Variants in GUSB observed in about 807,000 individuals in gnomAD.
GUSB encodes glucuronidase beta, also known as beta-glucuronidase.
A neutral mutation model predicts 74.6 loss-of-function variants in GUSB; 51 were observed. The observed-to-expected ratio is 0.68, with a 90% confidence interval of 0.55 to 0.86. The LOEUF (loss-of-function observed/expected upper bound fraction) is 0.86. Ranked by LOEUF, GUSB falls within the 40% of genes least tolerant of loss-of-function variation. The probability of loss-of-function intolerance (pLI) is 0.00; values close to 1 mark genes in which losing one functional copy is unlikely to be tolerated. For missense variants in GUSB, 736 were observed against 853.7 expected, an observed-to-expected ratio of 0.86 and a Z score of 1.72; for synonymous variants, 360 against 348.3, an observed-to-expected ratio of 1.03 and a Z score of -0.37.
intron 1 of GUSB, 195 bp from the exon 2 acceptor site, chr7:65,980,604 G>T: frequency 3.2e-6 from 2 of 625,546 alleles, no homozygotes. Flanking sequence ...GGGGCCAGGA[G>T]TTCCTCCTCA....
chr7:65,974,488 G>A, intron 7 of GUSB, 38 bp downstream of exon 7: 3 of 1,614,080 alleles, frequency 1.9e-6, no homozygotes, highest in Non-Finnish European at 2.5e-6. Context: ...GACGCCCCCG[G>A]GCTGGGCAGG....
chr7:65,982,174 C>G lies in GUSB; in HGVS notation c.10G>C (p.Gly4Arg), dbSNP rs572131903. MAR[G>R]SAVAWAALGP... ...AGCGCCGCCCAGGCAACCGCCGACC[C>G]CCGGGCCATGCTTCCCGGTCCCCCG... The change falls in exon 1 of 12, where the codon GGG (glycine) becomes CGG (arginine). Residue 4 changes from glycine (G) to arginine (R), a missense_variant. This residue lies in a region of GUSB where 368 missense variants were observed against 363.8 expected (regional missense o/e 1.01). Transcript: ENST00000304895. The G allele has an allele frequency of 6.6e-7, 1 of 1,514,412 alleles. No individual in the cohort carries two copies. The highest frequency in any genetic ancestry group is 1.4e-5 in the African/African-American group (1 of 70,294). 93.8% of individuals were successfully genotyped at this position (1,514,412 alleles called of 1,614,324 possible).
Position 65,975,999 on chromosome 7 carries a change from C to T in GUSB, c.912+16G>A, listed in dbSNP as rs745657235. 1.2e-6 allele frequency: 2 copies of T among 1,611,136 alleles called. No homozygotes were observed. The highest frequency in any genetic ancestry group is 2.7e-5 in the African/African-American group (2 of 74,932). ...GGCAAAAGACCTCCCTTAGGCATGT[C>T]CCAAACCACCATTACCTCCAATGAA... On this transcript the variant is annotated intron_variant, in intron 5 of 11. Transcript: ENST00000304895.
At chr7:65,965,265 G>C (rs143506896) in intron 10 of GUSB, among the ~76,000 whole-genome samples, 8 of 151,998 alleles carry the variant, frequency 5.3e-5, no homozygotes, top group African/African-American at 1.7e-4. Flanking sequence ...TATTAGCCAG[G>C]TGTGGTGGCG....
intron 8 of GUSB, among the ~76,000 whole-genome samples, chr7:65,970,690 G>C (rs747276435): frequency 6.6e-6 from 1 of 152,138 alleles, no homozygotes; most frequent in South Asian, 2.1e-4. Context: ...TCAGGAGATC[G>C]ATACCATCCT....
At chr7:65,967,250 T>TTCAA (rs1790895128) in intron 10 of GUSB, among the ~76,000 whole-genome samples, 1 of 151,288 alleles carries the variant, frequency 6.6e-6, no homozygotes, top group Non-Finnish European at 1.5e-5. Context: ...AGGCCAGGAG[T>TTCAA]TCAAGACCAG....
At chr7:65,961,098 G>C in intron 11 of GUSB, 35 bp from the exon 12 acceptor site, 3 of 1,583,510 alleles carry the variant, frequency 1.9e-6, no homozygotes, top group Non-Finnish European at 2.6e-6. Context: ...AAGCGATTCA[G>C]ATGTCTTCTG....
chr7:65,974,173 A>G (rs1015966456), intron 8 of GUSB, 122 bp downstream of exon 8: 3 of 866,338 alleles, frequency 3.5e-6, no homozygotes, highest in African/African-American at 3.3e-5. Context: ...CTATCTGGGT[A>G]TGGACGGCCT....
intron 8 of GUSB, among the ~76,000 whole-genome samples, chr7:65,973,610 A>T (rs1379891182): frequency 2.0e-5 from 3 of 151,972 alleles, no homozygotes; most frequent in Non-Finnish European, 4.4e-5. Context: ...AGGAAAACTT[A>T]GCTGGGCGTG....
At position 65,982,149 on chromosome 7, in the gene GUSB, A is replaced by G. The variant is rs956287139; in HGVS notation, c.35T>C (p.Leu12Pro). The G allele has an allele frequency of 1.3e-6, 2 of 1,531,018 alleles. No homozygotes were observed. The highest frequency in any genetic ancestry group is 1.4e-5 in the African/African-American group (1 of 70,558). 94.8% of individuals were successfully genotyped at this position (1,531,018 alleles called of 1,614,324 possible). A position where few individuals can be genotyped will look rare whatever the true frequency, so the allele number is the denominator to read the frequency against. Residue 12 changes from leucine to proline, a missense_variant, in exon 1 of 12, where the codon CTC becomes CCC. By Grantham distance (98) the Leu-to-Pro change is moderately conservative. Transcript: ENST00000304895. ...CGCGCAGCCCCACAACAACGGCCCGAGCGCCGCCCAGGCAACCGCCGACCC... is the reference window on the plus strand; with the variant it reads ...CGCGCAGCCCCACAACAACGGCCCGGGCGCCGCCCAGGCAACCGCCGACCC... ...ARGSAVAWAA[L>P]GPLLWGCALG...
In GUSB at chr7:65,979,646, A is replaced by G. The variant is rs562758252; in HGVS notation, c.581+81T>C. The G allele has an allele frequency of 1.9e-6, 3 of 1,590,636 alleles. No homozygotes were observed. In the South Asian group the frequency reaches 3.3e-5, roughly 18 times the overall value. ...CAGATCCAAGGCCTCCACTCTGTGA[A>G]GGCCACCCAGTCCCTACCAGGAAGA... On this transcript the variant is annotated intron_variant, in intron 3 of 11. Transcript: ENST00000304895.
intron 10 of GUSB, among the ~76,000 whole-genome samples, chr7:65,966,663 C>A (rs548665535): frequency 1.3e-5 from 2 of 151,700 alleles, no homozygotes; most frequent in Non-Finnish European, 2.9e-5. Flanking sequence ...TCATGCCTGT[C>A]GTCCCAGCTA....
chr7:65,970,259 G>C (rs1233008038), intron 9 of GUSB, 23 bp downstream of exon 9: 1 of 1,504,940 alleles, frequency 6.6e-7, no homozygotes, highest in Non-Finnish European at 9.3e-7. Flanking sequence ...AGGGAGAAGT[G>C]GGGTGGGGAC....
At chr7:65,970,466 A>C in intron 8 of GUSB, 100 bp from the exon 9 acceptor site, 1 of 765,644 alleles carries the variant, frequency 1.3e-6, no homozygotes, top group Non-Finnish European at 2.3e-6. Flanking sequence ...AGAACACAAC[A>C]CGGGGCCAGG....
rs557347158 is a variant in GUSB at position 65,982,023 on chromosome 7, T to C, written c.161A>G (p.Asn54Ser). 15 of 1,610,190 alleles carry C rather than the reference T, an allele frequency of 9.3e-6. No individual in the cohort carries two copies. The East Asian group carries it at 2.7e-4, about 29-fold the overall frequency. ...CTGCTCCTCGAAGCCCCGGCGTCGGTTGTCAGAGAAGTCGGCGCGGAAGCT... is the reference window on the plus strand; with the variant it reads ...CTGCTCCTCGAAGCCCCGGCGTCGGCTGTCAGAGAAGTCGGCGCGGAAGCT... ...LWSFRADFSD[N>S]RRRGFEEQWY... The change falls in exon 1 of 12, where the codon AAC becomes AGC. Residue 54 changes from asparagine (N) to serine (S), a missense_variant. Asn to Ser is a conservative substitution (Grantham distance 46). This residue lies in a region of GUSB where 368 missense variants were observed against 363.8 expected (regional missense o/e 1.01). Coordinates refer to ENST00000304895, the MANE Select transcript of GUSB (RefSeq NM_000181.4).
At chr7:65,976,372 C>A (rs1791578607) in intron 4 of GUSB, among the ~76,000 whole-genome samples, 170 bp from the exon 5 acceptor site, 1 of 151,986 alleles carries the variant, frequency 6.6e-6, no homozygotes, top group East Asian at 2.0e-4. Flanking sequence ...GTCCCCCAGG[C>A]TGGAGTGCAG....
At chr7:65,976,298 T>C in intron 4 of GUSB, 96 bp from the exon 5 acceptor site, 1 of 816,606 alleles carries the variant, frequency 1.2e-6, no homozygotes, top group South Asian at 1.5e-5. Context: ...GGCAGCCATT[T>C]GTTTCTGTTG....
intron 9 of GUSB, among the ~76,000 whole-genome samples, chr7:65,968,877 A>T (rs1791016596): frequency 6.6e-6 from 1 of 152,154 alleles, no homozygotes; most frequent in Admixed American, 6.6e-5. Context: ...GTAAGCCACC[A>T]TGCCCGGCTG....
chr7:65,980,517 G>T (rs1791936999), intron 1 of GUSB, 108 bp from the exon 2 acceptor site: 5 of 996,254 alleles, frequency 5.0e-6, no homozygotes, highest in Non-Finnish European at 7.8e-6. Context: ...ACACATAGCG[G>T]GGATTCTTGG....
Sources: gnomAD v4.1 joint callset for allele counts (sites outside exome capture counted in the v4.1 genomes callset) on GRCh38, gnomAD v4.1.1 for gene constraint, gnomAD v4.1.1 regional missense constraint, MANE v1.5 for transcripts, NCBI Gene and HGNC (gene_info 2026-07-23, HGNC 2026-07-21) for gene names.